Variants in CTNNA2 observed in about 807,000 individuals in gnomAD.
CTNNA2 encodes the protein catenin alpha 2, also known as catenin alpha-2.
CTNNA2 carries 42 observed loss-of-function variants against 101.0 expected under a neutral mutation model. The ratio of observed to expected loss-of-function variants is 0.42; its 90% CI spans 0.32 to 0.54. The LOEUF (loss-of-function observed/expected upper bound fraction) is 0.54. Among genes scored for constraint, CTNNA2 ranks in the 20% least tolerant of loss-of-function variants. The pLI is 0.14. For synonymous variants in CTNNA2, 450 were observed against 456.4 expected (o/e 0.99, Z 0.18); for missense variants, 871 against 1,223.1 (o/e 0.71, Z 4.29).
intron 18 of CTNNA2, among the ~76,000 whole-genome samples, chr2:80,640,669 A>AT (rs1673370741): frequency 6.6e-6 from 1 of 152,192 alleles, no homozygotes; most frequent in South Asian, 2.1e-4. Flanking sequence ...AGCCTCATGG[A>AT]TTTTTAAAAC....
At chr2:80,239,533 T>A (rs1471522428) in intron 7 of CTNNA2, among the ~76,000 whole-genome samples, 1 of 152,204 alleles carries the variant, frequency 6.6e-6, no homozygotes, top group Non-Finnish European at 1.5e-5. Flanking sequence ...TTCTATACAC[T>A]ATTTTTTTCT....
chr2:79,372,242 C>T (rs567192782), intron 3 of CTNNA2, among the ~76,000 whole-genome samples: 1 of 152,230 alleles, frequency 6.6e-6, no homozygotes, highest in South Asian at 2.1e-4. Flanking sequence ...TAGCACTGCA[C>T]CCTAGCTGAC....
chr2:80,540,556 T>A (rs1691466801), intron 9 of CTNNA2, among the ~76,000 whole-genome samples: 1 of 149,896 alleles, frequency 6.7e-6, no homozygotes, highest in African/African-American at 2.5e-5. Flanking sequence ...GAGATCTTGC[T>A]GCTGCACTCC....
intron 4 of CTNNA2, among the ~76,000 whole-genome samples, chr2:79,491,747 A>G (rs1408142600): frequency 2.0e-5 from 3 of 152,148 alleles, no homozygotes; most frequent in Admixed American, 6.6e-5. Flanking sequence ...CCACCACACC[A>G]TTGCCTCACC....
At chr2:79,530,902 A>AAT (rs1672696964) in intron 1 of CTNNA2, among the ~76,000 whole-genome samples, 1 of 152,094 alleles carries the variant, frequency 6.6e-6, no homozygotes, top group South Asian at 2.1e-4. Flanking sequence ...TTGGTGAATT[A>AAT]GTTTCCTAGA....
intron 7 of CTNNA2, among the ~76,000 whole-genome samples, chr2:80,308,156 A>G (rs975306612): frequency 6.7e-6 from 1 of 149,702 alleles, no homozygotes; most frequent in Non-Finnish European, 1.5e-5. Context: ...GTAACATACA[A>G]TTTTTTTTTT....
chr2:79,483,392 C>G (rs62141411), intron 4 of CTNNA2, among the ~76,000 whole-genome samples: 2 of 152,188 alleles, frequency 1.3e-5, no homozygotes, highest in African/African-American at 4.8e-5. Flanking sequence ...AGGGGCACAT[C>G]ATTGCCAGCT....
intron 8 of CTNNA2, among the ~76,000 whole-genome samples, chr2:80,402,677 T>C (rs1216959444): frequency 1.3e-5 from 2 of 151,598 alleles, no homozygotes; most frequent in South Asian, 2.1e-4. Context: ...ACAAGGGTTT[T>C]AGGAACCAGG....
chr2:79,814,767 G>C (rs534513218), intron 3 of CTNNA2, among the ~76,000 whole-genome samples: 14 of 152,138 alleles, frequency 9.2e-5, no homozygotes, highest in African/African-American at 3.1e-4. Flanking sequence ...TTCATGTACT[G>C]GCCTCTTTTC....
At chr2:80,600,578 CAATA>C (rs1558632445) in intron 15 of CTNNA2, among the ~76,000 whole-genome samples, 1 of 151,848 alleles carries the variant, frequency 6.6e-6, no homozygotes. Context: ...TAATAATGAT[CAATA>C]AATGATGAAG....
chr2:80,232,333 GTTTGTTTGTTTGTTTTT>G (rs1709265242), intron 7 of CTNNA2, among the ~76,000 whole-genome samples: 1 of 45,354 alleles, frequency 2.2e-5, no homozygotes, highest in African/African-American at 1.8e-4. Context: ...TTGTTTGTTT[GTTTGTTTGTTTGTTTTT>G]TTTTTTTTTT....
intron 7 of CTNNA2, chr2:80,304,351 T>C (rs1676690522): frequency 6.5e-6 from 1 of 152,760 alleles, no homozygotes; most frequent in African/African-American, 2.4e-5. Context: ...AGGCGACTTC[T>C]AGGACCCGCA....
rs368883140 is a variant in CTNNA2, at chr2:79,597,450, C to T, written c.-5-54102C>T. 9.7e-5 allele frequency among the ~76,000 whole-genome samples: 13 copies of T among 134,230 alleles called. No homozygotes were observed. The East Asian group carries it at 2.6e-3, about 27-fold the overall frequency. The allele number at this position is 134,230 out of a possible 152,430, so 88.1% of individuals were successfully genotyped here. ...CGGCGCCACTGCACTCCAGCCTGGG[C>T]GACAGAGCGGGTCTCAAAAAAAAAA... On this transcript the variant is annotated intron_variant, in intron 1 of 18. Coordinates refer to ENST00000402739, the MANE Select transcript of CTNNA2 (RefSeq NM_001282597.3).
chr2:79,281,356 G>C (rs1408007974), intron 2 of CTNNA2: 1 of 152,150 alleles, frequency 6.6e-6, no homozygotes, highest in African/African-American at 2.4e-5. Context: ...GATCCTCAGA[G>C]AGCACTGATT....
chr2:80,500,345 C>T (rs1452636785), intron 9 of CTNNA2, among the ~76,000 whole-genome samples: 2 of 152,134 alleles, frequency 1.3e-5, no homozygotes, highest in Non-Finnish European at 2.9e-5. Context: ...TTTATTCATT[C>T]ATTCATTTAC....
chr2:79,632,064 G>A (rs1263998027), intron 1 of CTNNA2, among the ~76,000 whole-genome samples: 1 of 152,184 alleles, frequency 6.6e-6, no homozygotes, highest in Admixed American at 6.5e-5. Flanking sequence ...AACAGTCGCA[G>A]TGGTTTTAGA....
intron 7 of CTNNA2, among the ~76,000 whole-genome samples, chr2:79,938,833 T>A (rs1687958726): frequency 6.6e-6 from 1 of 152,184 alleles, no homozygotes; most frequent in South Asian, 2.1e-4. Flanking sequence ...ATAAATTAGA[T>A]TTTAATTGGG....
intron 7 of CTNNA2, among the ~76,000 whole-genome samples, chr2:80,276,624 G>A (rs919370952): frequency 3.9e-5 from 6 of 151,982 alleles, no homozygotes; most frequent in Non-Finnish European, 7.4e-5. Flanking sequence ...ACATGGCAAG[G>A]GGAAGGAAAT....
chr2:79,396,066 G>T (rs1257574084), intron 4 of CTNNA2, among the ~76,000 whole-genome samples: 2 of 152,036 alleles, frequency 1.3e-5, no homozygotes, highest in African/African-American at 4.8e-5. Flanking sequence ...CAGGAATTCT[G>T]GTTTAACCAG....
Sources: allele counts gnomAD v4.1 joint callset (sites outside exome capture counted in the v4.1 genomes callset), GRCh38; gene constraint gnomAD v4.1.1; transcripts MANE v1.5; gene names NCBI Gene and HGNC (gene_info 2026-07-23, HGNC 2026-07-21).